ROBO2: variants seen among roughly 807,000 people sequenced by gnomAD.
ROBO2 encodes the protein roundabout homolog 2.
ROBO2 carries 53 observed loss-of-function variants against 160.8 expected under a neutral mutation model. The observed-to-expected ratio is 0.33, with a 90% CI of 0.26 to 0.41. ROBO2 has a LOEUF of 0.41. Ranked by LOEUF, ROBO2 falls within the 10% of genes least tolerant of loss-of-function variation. ROBO2 has a pLI of 1.00. For synonymous variants in ROBO2, 664 were observed against 611.7 expected, an observed-to-expected ratio of 1.09 and a Z score of -1.26; for missense variants, 1,577 against 1,722.4, an observed-to-expected ratio of 0.92 and a Z score of 1.49.
chr3:76,078,525 TC>T (rs1464320452), intron 2 of ROBO2, among the ~76,000 whole-genome samples: 2 of 152,012 alleles, frequency 1.3e-5, no homozygotes, highest in Non-Finnish European at 2.9e-5. Flanking sequence ...ACCACCTTGC[TC>T]AGCTAATTTT....
chr3:75,971,233 G>T (rs2064982466), intron 2 of ROBO2, among the ~76,000 whole-genome samples: 1 of 151,124 alleles, frequency 6.6e-6, no homozygotes, highest in Non-Finnish European at 1.5e-5. Flanking sequence ...CATGTTCTTT[G>T]TACCATGAAA....
intron 2 of ROBO2, among the ~76,000 whole-genome samples, chr3:77,142,526 T>C (rs541234845): frequency 1.3e-5 from 2 of 152,314 alleles, no homozygotes; most frequent in African/African-American, 2.4e-5. Context: ...AAAAGCAGTT[T>C]TGTCAGGTGG....
chr3:76,522,021 GAATT>G (rs1374401445), intron 2 of ROBO2, among the ~76,000 whole-genome samples: 1 of 152,102 alleles, frequency 6.6e-6, no homozygotes, highest in African/African-American at 2.4e-5. Flanking sequence ...TGTTTTTCAA[GAATT>G]TTGTGTAATC....
intron 2 of ROBO2, among the ~76,000 whole-genome samples, chr3:76,588,387 G>C (rs2086192125): frequency 6.6e-6 from 1 of 152,148 alleles, no homozygotes; most frequent in Admixed American, 6.5e-5. Context: ...GTGTGATTCA[G>C]AATTTTAATG....
intron 2 of ROBO2, among the ~76,000 whole-genome samples, chr3:76,925,069 G>A (rs1029528190): frequency 4.6e-5 from 7 of 151,326 alleles, no homozygotes; most frequent in Non-Finnish European, 8.9e-5. Flanking sequence ...TTAGCCGGGC[G>A]TAGTGGCGGG....
At chr3:76,403,030 A>C (rs1298815558) in intron 2 of ROBO2, among the ~76,000 whole-genome samples, 1 of 151,632 alleles carries the variant, frequency 6.6e-6, no homozygotes, top group Non-Finnish European at 1.5e-5. Context: ...TGGGGCCAAT[A>C]AATGTCTACT....
At chr3:77,319,503 TTGTC>T (rs1240466230) in intron 2 of ROBO2, among the ~76,000 whole-genome samples, 17 of 152,166 alleles carry the variant, frequency 1.1e-4, no homozygotes, top group Admixed American at 2.6e-4. Flanking sequence ...GTCTAGGCCT[TTGTC>T]TGGTCATTAG....
rs987600786 is a variant in ROBO2, at chr3:76,397,546, A to C, written c.109+459944A>C. Among the ~76,000 whole-genome samples the C allele has an allele frequency of 9.2e-5, 14 of 151,786 alleles. No individual in the cohort carries two copies. In the East Asian group the frequency reaches 2.1e-3, roughly 23 times the overall value. On this transcript the variant is annotated intron_variant, in intron 2 of 26. Coordinates refer to the ROBO2 transcript ENST00000487694. ...ATCAGAGTGAACAGGCAACCTACAAAATGGGAGAAAATTTTCGCAACCTAC... is the reference window on the plus strand; with the variant it reads ...ATCAGAGTGAACAGGCAACCTACAACATGGGAGAAAATTTTCGCAACCTAC...
chr3:75,966,894 G>T (rs961628384), intron 2 of ROBO2, among the ~76,000 whole-genome samples: 2 of 151,514 alleles, frequency 1.3e-5, no homozygotes, highest in Non-Finnish European at 3.0e-5. Context: ...TGAGTCTCTA[G>T]AATTATATAA....
At chr3:75,993,136 G>A (rs2065622472) in intron 2 of ROBO2, among the ~76,000 whole-genome samples, 1 of 152,120 alleles carries the variant, frequency 6.6e-6, no homozygotes, top group South Asian at 2.1e-4. Flanking sequence ...GGGAAGGCAT[G>A]ATGGGTTTTG....
intron 2 of ROBO2, among the ~76,000 whole-genome samples, chr3:77,455,312 G>A (rs35998434): frequency 0.14 from 21,998 of 152,088 alleles, 1,856 homozygotes; most frequent in East Asian, 0.35. Context: ...TTTAAGTTAC[G>A]CTAATGAAAA....
At chr3:77,019,311 C>A (rs1010909631) in intron 2 of ROBO2, among the ~76,000 whole-genome samples, 7 of 152,096 alleles carry the variant, frequency 4.6e-5, no homozygotes, top group Non-Finnish European at 1.0e-4. Flanking sequence ...GTGGAAGGGG[C>A]AAGGCAGCTC....
At position 77,620,215 on chromosome 3, in the gene ROBO2, C is replaced by A. The variant is rs556728839; in HGVS notation, c.3555-2012C>A. Among the ~76,000 whole-genome samples the A allele has an allele frequency of 7.2e-5, 11 of 152,240 alleles. No homozygotes were observed. In the South Asian group the frequency reaches 2.1e-3, roughly 29 times the overall value. On this transcript the variant is annotated intron_variant, in intron 22 of 25. Transcript: ENST00000461745. ...TGCTTCTGGTTTGGAAGTGACTCACCATCTGGGTAGCACATCAACATCATA... is the reference window on the plus strand; with the variant it reads ...TGCTTCTGGTTTGGAAGTGACTCACAATCTGGGTAGCACATCAACATCATA...
intron 2 of ROBO2, among the ~76,000 whole-genome samples, chr3:76,998,517 A>G (rs1253200169): frequency 6.6e-6 from 1 of 152,178 alleles, no homozygotes; most frequent in Non-Finnish European, 1.5e-5. Context: ...CAAAAATAAC[A>G]TACATGTAAT....
intron 2 of ROBO2, among the ~76,000 whole-genome samples, chr3:76,978,881 T>A (rs1197209051): frequency 6.6e-6 from 1 of 152,150 alleles, no homozygotes; most frequent in East Asian, 1.9e-4. Flanking sequence ...TTACTTTTTT[T>A]TGTGTAAATA....
At chr3:76,137,662 C>A (rs761402881) in intron 2 of ROBO2, among the ~76,000 whole-genome samples, 42 of 151,480 alleles carry the variant, frequency 2.8e-4, no homozygotes, top group Non-Finnish European at 5.0e-4. Context: ...AAAGTGTTGG[C>A]AGAGTTGCTC....
chr3:76,340,758 G>A (rs989760538), intron 2 of ROBO2, among the ~76,000 whole-genome samples: 1 of 152,042 alleles, frequency 6.6e-6, no homozygotes, highest in Admixed American at 6.6e-5. Flanking sequence ...TGTCAATGCT[G>A]CAAATAAAAT....
intron 2 of ROBO2, among the ~76,000 whole-genome samples, chr3:76,895,245 C>A (rs2074678524): frequency 6.6e-6 from 1 of 151,970 alleles, no homozygotes; most frequent in South Asian, 2.1e-4. Flanking sequence ...AGGTAGCAAA[C>A]AACTCCTTCG....
intron 2 of ROBO2, among the ~76,000 whole-genome samples, chr3:76,514,904 A>G (rs2081275226): frequency 2.0e-5 from 3 of 152,218 alleles, no homozygotes; most frequent in Admixed American, 1.3e-4. Context: ...ACTGCTGACT[A>G]ATGACACACA....
Sources: allele counts gnomAD v4.1 joint callset (sites outside exome capture counted in the v4.1 genomes callset), GRCh38; gene constraint gnomAD v4.1.1; transcripts MANE v1.5; gene names NCBI Gene and HGNC (gene_info 2026-07-23, HGNC 2026-07-21).